CDH1: variants seen among roughly 807,000 people sequenced by gnomAD.
CDH1 encodes cadherin 1.
Under a neutral mutation model 84.5 loss-of-function variants are expected in CDH1, and 35 were observed. The ratio of observed to expected loss-of-function variants is 0.41; its 90% CI spans 0.32 to 0.55. The LOEUF (loss-of-function observed/expected upper bound fraction) is 0.55, where lower values mean the gene tolerates loss of function less well. Ranked by LOEUF, CDH1 falls within the 20% of genes least tolerant of loss-of-function variation. CDH1 has a pLI of 0.19. For missense variants in CDH1, 994 were observed against 1,126.6 expected (o/e 0.88, Z 1.68); for synonymous variants, 417 against 439.0 (o/e 0.95, Z 0.63).
intron 8 of CDH1, 141 bp from the exon 9 acceptor site, chr16:68,813,172 G>A (rs1384977993): frequency 1.2e-5 from 10 of 849,372 alleles, no homozygotes; most frequent in South Asian, 4.3e-5. Context: ...AGCCATGATC[G>A]CTCAAATACA....
At chr16:68,812,038 A>C (rs1433144847) in intron 7 of CDH1, 97 bp from the exon 8 acceptor site, 3 of 1,580,550 alleles carry the variant, frequency 1.9e-6, no homozygotes, top group Non-Finnish European at 2.6e-6. Flanking sequence ...GGCATGAAGC[A>C]CATGGTTAAA....
chr16:68,808,772 T>C lies in CDH1; in HGVS notation c.611T>C (p.Val204Ala), dbSNP rs754581268. The part of the protein sequence containing the change: ...GQGADTPPVG[V>A]FIIERETGWL... ...GGAGCTGACACACCCCCTGTTGGTG[T>C]CTTTATTATTGAAAGAGAAACAGGA... The change falls in exon 5 of 16, where the codon GTC becomes GCC. Residue 204 changes from valine (V) to alanine (A), a missense_variant. Coordinates refer to ENST00000261769, the MANE Select transcript of CDH1 (RefSeq NM_004360.5). The C allele has an allele frequency of 6.2e-7, 1 of 1,614,172 alleles. No individual in the cohort carries two copies.
chr16:68,811,654 C>G (rs1459819942), intron 6 of CDH1, 30 bp from the exon 7 acceptor site: 2 of 1,610,462 alleles, frequency 1.2e-6, no homozygotes, highest in East Asian at 2.2e-5. Context: ...TGCAGCTTGT[C>G]TAAACCTTCA....
intron 2 of CDH1, among the ~76,000 whole-genome samples, chr16:68,752,108 C>T (rs947289860): frequency 3.9e-5 from 6 of 152,040 alleles, no homozygotes; most frequent in Admixed American, 1.3e-4. Flanking sequence ...TGTGCCACCA[C>T]GCCTGGCTAA....
intron 13 of CDH1, among the ~76,000 whole-genome samples, chr16:68,825,541 C>T (rs1426918725): frequency 6.6e-6 from 1 of 152,196 alleles, no homozygotes; most frequent in Non-Finnish European, 1.5e-5. Flanking sequence ...CTGGGCATCC[C>T]ATTTGCTTCT....
intron 2 of CDH1, among the ~76,000 whole-genome samples, chr16:68,775,737 T>A (rs9282650): frequency 0.29 from 44,687 of 152,176 alleles, 6,665 homozygotes; most frequent in Middle Eastern, 0.34. Context: ...GCTGATGGTA[T>A]CAGCATGTTG....
chr16:68,758,211 T>C (rs995411164), intron 2 of CDH1, among the ~76,000 whole-genome samples: 7 of 117,550 alleles, frequency 6.0e-5, no homozygotes, highest in African/African-American at 2.1e-4. Flanking sequence ...TTATTTCTTT[T>C]TTTTTTTTTT....
rs2152137028 is a variant in CDH1 at position 68,819,424 on chromosome 16, T to TG, written c.1711+1dup. 1 of 1,613,160 alleles carries TG rather than the reference T, an allele frequency of 6.2e-7. No individual in the cohort carries two copies. Among genetic ancestry groups the TG allele is most frequent in the Non-Finnish European group, 8.5e-7 (1 of 1,179,966 alleles). On this transcript the variant is annotated frameshift_variant and splice_region_variant, in exon 11 of 16. Coordinates refer to ENST00000261769, the MANE Select transcript of CDH1 (RefSeq NM_004360.5). LOFTEE classifies it high-confidence loss of function. ...CAGCCCTAATCATAGCTACAGACAA[T>TG]GGTAAGGGGGCCTCATCTGAGCCTT...
At position 68,828,163 on chromosome 16, in the gene CDH1, C is replaced by G. The variant is rs766659597; in HGVS notation, c.2165-11C>G. On this transcript the variant is annotated splice_polypyrimidine_tract_variant and intron_variant, in intron 13 of 15. Coordinates refer to ENST00000261769, the MANE Select transcript of CDH1 (RefSeq NM_004360.5). ...CTCTCAACACTTGCTCTGTCTCCCC[C>G]ACCATCCCAGTTCTGATTCTGCTGC... 6.2e-7 allele frequency: 1 copy of G among 1,613,660 alleles called. No individual in the cohort carries two copies. The highest frequency in any genetic ancestry group is 8.5e-7 in the Non-Finnish European group (1 of 1,179,750).
In CDH1 at chr16:68,737,343, C is replaced by G. The variant is rs1177347058; in HGVS notation, c.-73C>G. The G allele has an allele frequency of 7.6e-7, 1 of 1,314,776 alleles. No individual in the cohort carries two copies. Among genetic ancestry groups the G allele is most frequent in the Non-Finnish European group, 1.0e-6 (1 of 958,618 alleles). 81.4% of individuals were successfully genotyped at this position (1,314,776 alleles called of 1,614,324 possible). On this transcript the variant is annotated 5_prime_UTR_variant, in exon 1 of 16. Transcript: ENST00000261769. Reference sequence around the variant, plus strand: ...GTGAGCTTGCGGAAGTCAGTTCAGACTCCAGCCCGCTCCAGCCCGGCCCGA... The same window carrying G: ...GTGAGCTTGCGGAAGTCAGTTCAGAGTCCAGCCCGCTCCAGCCCGGCCCGA...
chr16:68,832,395 G>C (rs1311382449), intron 15 of CDH1, among the ~76,000 whole-genome samples: 5 of 151,912 alleles, frequency 3.3e-5, no homozygotes, highest in Admixed American at 3.3e-4. Context: ...AGAATCGCTT[G>C]AACCCAGGAG....
intron 2 of CDH1, among the ~76,000 whole-genome samples, chr16:68,780,928 A>T (rs577780857): frequency 9.8e-5 from 15 of 152,318 alleles, no homozygotes; most frequent in South Asian, 4.1e-4. Flanking sequence ...TCATGGCCTG[A>T]CCGAGGTTGT....
intron 2 of CDH1, among the ~76,000 whole-genome samples, chr16:68,768,756 A>G (rs1323554789): frequency 6.6e-6 from 1 of 152,202 alleles, no homozygotes; most frequent in African/African-American, 2.4e-5. Context: ...ACCGGGGAAC[A>G]TTTTTGTATA....
At chr16:68,831,600 C>T (rs751543116) in intron 15 of CDH1, among the ~76,000 whole-genome samples, 14 of 151,724 alleles carry the variant, frequency 9.2e-5, no homozygotes, top group South Asian at 2.1e-4. Flanking sequence ...AGTGCAGTGG[C>T]GTAATCTTGG....
In CDH1 at chr16:68,803,638, T is replaced by C. The variant is rs544437998; in HGVS notation, c.387+1745T>C. 5.3e-5 allele frequency among the ~76,000 whole-genome samples: 8 copies of C among 152,182 alleles called. No individual in the cohort carries two copies. The South Asian group carries it at 1.7e-3, about 32-fold the overall frequency. Reference sequence around the variant, plus strand: ...CTCGAACTCCTGACCTCAAGTGATCTGCCCACCTCAGCCTCCCAAAGTGCT... The same window carrying C: ...CTCGAACTCCTGACCTCAAGTGATCCGCCCACCTCAGCCTCCCAAAGTGCT... On this transcript the variant is annotated intron_variant, in intron 3 of 15. Transcript: ENST00000261769.
intron 8 of CDH1, 59 bp from the exon 9 acceptor site, chr16:68,813,254 G>C (rs1192075426): frequency 4.5e-6 from 7 of 1,539,266 alleles, no homozygotes; most frequent in Non-Finnish European, 6.3e-6. Context: ...AGCCCCCTGA[G>C]ACTCAGCTCT....
At chr16:68,802,943 A>G (rs776777229) in intron 3 of CDH1, among the ~76,000 whole-genome samples, 10 of 152,184 alleles carry the variant, frequency 6.6e-5, no homozygotes, top group Admixed American at 2.0e-4. Context: ...TACCAGGAAC[A>G]GACAAACAGA....
At chr16:68,793,308 G>A (rs1440493890) in intron 2 of CDH1, among the ~76,000 whole-genome samples, 6 of 152,194 alleles carry the variant, frequency 3.9e-5, no homozygotes, top group Admixed American at 2.0e-4. Context: ...AGGTTTCTCT[G>A]AGGCCTGGAA....
intron 10 of CDH1, among the ~76,000 whole-genome samples, chr16:68,818,533 C>CTTTTTTT (rs869272949): frequency 8.1e-6 from 1 of 123,332 alleles, no homozygotes; most frequent in Non-Finnish European, 1.8e-5. Flanking sequence ...TCTTGGTTTT[C>CTTTTTTT]TTTTTTTTTT....
Sources: gnomAD v4.1 joint callset for allele counts (sites outside exome capture counted in the v4.1 genomes callset) on GRCh38, gnomAD v4.1.1 for gene constraint, MANE v1.5 for transcripts, NCBI Gene and HGNC (gene_info 2026-07-23, HGNC 2026-07-21) for gene names.